Variants in ADGRD2 observed in about 807,000 individuals in gnomAD.
The protein encoded by ADGRD2 is adhesion G protein-coupled receptor D2, also known as G protein-coupled receptor PGR24.
A neutral mutation model predicts 44.4 loss-of-function variants in ADGRD2; 71 were observed. The observed-to-expected ratio is 1.60, with a 90% CI of 1.32 to 1.95. The LOEUF (loss-of-function observed/expected upper bound fraction) is 1.95, where lower values mean the gene tolerates loss of function less well. Ranked by LOEUF, ADGRD2 falls within the 30% of genes most tolerant of loss-of-function variation. The pLI is 0.00. For missense variants in ADGRD2, 1,039 were observed against 512.4 expected, an observed-to-expected ratio of 2.03 and a Z score of -9.92; for synonymous variants, 481 against 224.8, an observed-to-expected ratio of 2.14 and a Z score of -10.19.
At chr9:124,450,764 T>C (rs1831452092), upstream of ADGRD2, among the ~76,000 whole-genome samples, 1 of 152,040 alleles carries the variant, frequency 6.6e-6, no homozygotes, top group Non-Finnish European at 1.5e-5. Flanking sequence ...AGTCCTCCGG[T>C]GAGGGGCGTG....
chr9:124,452,465 A>T (rs979657456), intron 1 of ADGRD2, 45 bp from the exon 5 acceptor site: 1 of 717,786 alleles, frequency 1.4e-6, no homozygotes, highest in Admixed American at 2.0e-5. Flanking sequence ...GAAGAGTCAG[A>T]TGCCCACAAA....
Position 124,456,077 on chromosome 9 carries a change from G to A in ADGRD2, c.1394-545G>A, listed in dbSNP as rs142777848. ...CAAGCCCATAGTTGATTAGGGATCCGAGGCACTGCAGTAGACTGAGGAAAG... is the reference window on the plus strand; with the variant it reads ...CAAGCCCATAGTTGATTAGGGATCCAAGGCACTGCAGTAGACTGAGGAAAG... On this transcript the variant is annotated intron_variant, in intron 6 of 21. Transcript: ENST00000334810. Among the ~76,000 whole-genome samples the A allele has an allele frequency of 1.3e-3, 198 of 152,334 alleles. 1 individual carries two copies. Among genetic ancestry groups the A allele is most frequent in the Middle Eastern group, 3.4e-3 (1 of 294 alleles).
chr9:124,456,748 A>C lies in ADGRD2; in HGVS notation c.1505+15A>C, dbSNP rs746695879. The stretch of plus-strand genomic sequence containing the variant: ...CCGCCATGCTGGTGAGCCTGCACCC[A>C]CCTGCCCACACGGCTGGACTCAGAC... On this transcript the variant is annotated intron_variant, in intron 7 of 21. Transcript: ENST00000334810. 4.1e-5 allele frequency: 29 copies of C among 705,038 alleles called. No individual in the cohort carries two copies. The highest frequency in any genetic ancestry group is 6.8e-5 in the Non-Finnish European group (26 of 384,916). 43.7% of individuals were successfully genotyped at this position (705,038 alleles called of 1,614,324 possible).
chr9:124,474,969 C>T (rs1044209570), intron 17 of ADGRD2, among the ~76,000 whole-genome samples: 53 of 152,232 alleles, frequency 3.5e-4, no homozygotes, highest in African/African-American at 1.2e-3. Flanking sequence ...AAGTCCCGGC[C>T]TCATCTCCCC....
At chr9:124,475,811 G>A (rs1832040045) in intron 19 of ADGRD2, among the ~76,000 whole-genome samples, 196 bp downstream of exon 22, 3 of 152,150 alleles carry the variant, frequency 2.0e-5, no homozygotes, top group Admixed American at 6.5e-5. Context: ...GCTCTCAGAG[G>A]TACTCGCAGC....
In ADGRD2 at chr9:124,454,045, G is replaced by T. The variant is rs1389203143; in HGVS notation, c.972G>T (p.Glu324Asp). 1 of 714,316 alleles carries T rather than the reference G, an allele frequency of 1.4e-6. No homozygotes were observed. The highest frequency in any genetic ancestry group is 2.0e-5 in the Admixed American group (1 of 49,518). The allele number at this position is 714,316 out of a possible 1,614,324, so 44.2% of individuals were successfully genotyped here. Residue 324 changes from glutamate (E) to aspartate (D), a missense_variant, in exon 4 of 22, where the codon GAG (glutamate) becomes GAT (aspartate). Physicochemically the swap from Glu to Asp is conservative, Grantham distance 45. Transcript: ENST00000334810. This position sits in a 1 kb window ranked among gnomAD's most constrained non-coding sequence, Gnocchi z 4.5. ...CGTGGAACCCGGGACCTCGCAGTGA[G>T]GGCTCTGAGCTCTGCCTGGAGCCGC... is the stretch of plus-strand genomic sequence containing the variant.
In ADGRD2 at chr9:124,454,099, T is replaced by C. The variant is rs118108631; in HGVS notation, c.1022+2T>C. 6,723 of 698,184 alleles carry C rather than the reference T, an allele frequency of 9.6e-3. 48 individuals are homozygous for C. The highest frequency in any genetic ancestry group is 0.012 in the Non-Finnish European group (4,697 of 376,492). 43.2% of individuals were successfully genotyped at this position (698,184 alleles called of 1,614,324 possible). On this transcript the variant is annotated splice_donor_variant, in intron 4 of 21. Coordinates refer to ENST00000334810, the Ensembl canonical transcript of ADGRD2. LOFTEE classifies it high-confidence loss of function. This position sits in a 1 kb window ranked among gnomAD's most constrained non-coding sequence, Gnocchi z 4.5. ...CCTTCCTCTGCTGCTACCGGACAGG[T>C]GCGCCCTGGCTGTACCCCTGGGCTC... is the stretch of plus-strand genomic sequence containing the variant.
At chr9:124,464,736 TC>T (rs1214318397) in intron 10 of ADGRD2, among the ~76,000 whole-genome samples, 1 of 150,542 alleles carries the variant, frequency 6.6e-6, no homozygotes, top group East Asian at 1.9e-4. Flanking sequence ...AACACATTCA[TC>T]ATAACACATT....
exon 14 of ADGRD2, chr9:124,468,522 G>C: frequency 1.4e-6 from 1 of 718,524 alleles, no homozygotes; most frequent in Non-Finnish European, 2.6e-6. Context: ...CCCACAGGTG[G>C]CATGTGTGGC....
In ADGRD2 at chr9:124,468,308, G is replaced by A. The variant is rs1374715506; in HGVS notation, c.2233+118G>A. The stretch of plus-strand genomic sequence containing the variant: ...CACATGGCTCCACTTCCCTGGGGAG[G>A]AGCAGGGCCCGGGGAGGAGCAGGGC... On this transcript the variant is annotated intron_variant, in intron 13 of 21. Coordinates refer to ENST00000334810, the Ensembl canonical transcript of ADGRD2. 4 of 691,790 alleles carry A rather than the reference G, an allele frequency of 5.8e-6. No individual in the cohort carries two copies. The Admixed American group carries it at 8.2e-5, about 14-fold the overall frequency. 42.9% of individuals were successfully genotyped at this position (691,790 alleles called of 1,614,324 possible).
chr9:124,462,035 C>T (rs1379682551), intron 10 of ADGRD2, among the ~76,000 whole-genome samples: 1 of 151,760 alleles, frequency 6.6e-6, no homozygotes, highest in African/African-American at 2.4e-5. Flanking sequence ...GTGTGAGCCA[C>T]GGTGCCTGGC....
At chr9:124,459,168 C>A (rs1165445800) in intron 10 of ADGRD2, among the ~76,000 whole-genome samples, 3 of 152,160 alleles carry the variant, frequency 2.0e-5, no homozygotes, top group Non-Finnish European at 4.4e-5. Flanking sequence ...TAAAAATAAC[C>A]TAAATGTCCA....
chr9:124,477,565 C>T (rs1356169452), intron 21 of ADGRD2, among the ~76,000 whole-genome samples: 1 of 152,250 alleles, frequency 6.6e-6, no homozygotes, highest in African/African-American at 2.4e-5. Flanking sequence ...AGAGCCCGCA[C>T]AGAGCCAGAG....
At chr9:124,453,348 G>A in exon 3 of ADGRD2, 1 of 517,672 alleles carries the variant, frequency 1.9e-6, no homozygotes, top group Non-Finnish European at 3.3e-6. Flanking sequence ...CGTGGGAGCA[G>A]CGGGGCGGGC....
rs574236672 is a variant in ADGRD2 at position 124,477,754 on chromosome 9, G to GC, written c.*19-521dup. On this transcript the variant is annotated intron_variant, in intron 21 of 21. Coordinates refer to ENST00000334810, the Ensembl canonical transcript of ADGRD2. ...CCTTTCTGCAGAATGGGCTGGAGGC[G>GC]CCCCCCACAGGCCCGCCCAGGCGCC... 5.9e-4 allele frequency among the ~76,000 whole-genome samples: 90 copies of GC among 152,144 alleles called. 1 individual carries two copies. The South Asian group carries it at 0.018, about 31-fold the overall frequency.
chr9:124,477,008 G>A (rs1257227937), intron 21 of ADGRD2: 2 of 651,086 alleles, frequency 3.1e-6, no homozygotes, highest in Admixed American at 2.1e-5. Context: ...GGGGGGCGCT[G>A]CCAAGGAGCA....
At chr9:124,452,001 C>CCA, upstream of ADGRD2, 1 of 319,578 alleles carries the variant, frequency 3.1e-6, no homozygotes. Flanking sequence ...CTGAATGCCC[C>CCA]CCTCCCACCC....
At chr9:124,451,842 A>G, upstream of ADGRD2, 1 of 525,552 alleles carries the variant, frequency 1.9e-6, no homozygotes, top group Non-Finnish European at 3.4e-6. Context: ...ACGGAATAAA[A>G]GCACTCACTA....
chr9:124,451,455 G>C, upstream of ADGRD2: 2 of 353,726 alleles, frequency 5.7e-6, no homozygotes, highest in Non-Finnish European at 1.1e-5. Context: ...GTCCCTACTA[G>C]GTGGGCCACC....
Sources: allele counts gnomAD v4.1 joint callset (sites outside exome capture counted in the v4.1 genomes callset), GRCh38; gene constraint gnomAD v4.1.1; non-coding constraint Gnocchi (gnomAD v3.1); transcripts MANE v1.5; gene names NCBI Gene and HGNC (gene_info 2026-07-23, HGNC 2026-07-21).